The following CCAR1 variants were observed in gnomAD, a reference collection of about 807,000 sequenced individuals.
The protein encoded by CCAR1 is cell division cycle and apoptosis regulator 1, also known as cell division cycle and apoptosis regulator protein 1.
In CCAR1, 78 loss-of-function variants were observed where a neutral mutation model predicts 163.8. The observed-to-expected ratio is 0.48, with a 90% CI of 0.40 to 0.57. The LOEUF is 0.57. CCAR1 is among the 20% of genes least tolerant of loss of function. CCAR1 has a pLI of 0.00. For missense variants in CCAR1, 1,019 were observed against 1,365.2 expected (o/e 0.75, Z 4.00); for synonymous variants, 443 against 460.7 (o/e 0.96, Z 0.49).
chr10:68,762,102 G>A (rs2056479082), intron 16 of CCAR1, among the ~76,000 whole-genome samples: 1 of 151,726 alleles, frequency 6.6e-6, no homozygotes, highest in Admixed American at 6.6e-5. Context: ...GGCCGAGGTG[G>A]GCGGATCACG....
chr10:68,775,307 AG>A (rs2056650368), intron 19 of CCAR1, among the ~76,000 whole-genome samples: 1 of 152,176 alleles, frequency 6.6e-6, no homozygotes, highest in Non-Finnish European at 1.5e-5. Context: ...GTAACTCATT[AG>A]CAGTGACATA....
At chr10:68,744,082 A>G (rs550960074) in intron 6 of CCAR1, among the ~76,000 whole-genome samples, 2 of 152,156 alleles carry the variant, frequency 1.3e-5, no homozygotes, top group Non-Finnish European at 2.9e-5. Flanking sequence ...ACAGGGTTTC[A>G]CCATGTTGGC....
intron 10 of CCAR1, among the ~76,000 whole-genome samples, chr10:68,750,719 G>A (rs1017401434): frequency 6.6e-6 from 1 of 152,110 alleles, no homozygotes; most frequent in Admixed American, 6.6e-5. Context: ...CAAATTGACA[G>A]TAAAATAAGA....
rs747509008 is a variant in CCAR1, at chr10:68,755,531, A to G, written c.1620A>G (p.Thr540=). The G allele has an allele frequency of 1.7e-5, 28 of 1,612,248 alleles. No individual in the cohort carries two copies. The highest frequency in any genetic ancestry group is 2.4e-5 in the Non-Finnish European group (28 of 1,178,892). ...CAGGCATTGATCTAAGTGTGTGCAC[A>G]CAATGGTAAGTACTAATTCATTTCT... ...ALTGIDLSVC[T]QWYRFAEIRY... The change falls in exon 13 of 25, where the codon ACA becomes ACG. Residue 540 remains threonine, a synonymous_variant. Transcript: ENST00000265872.
intron 10 of CCAR1, among the ~76,000 whole-genome samples, chr10:68,752,532 G>A (rs1167088446): frequency 1.3e-5 from 2 of 152,030 alleles, no homozygotes; most frequent in African/African-American, 4.8e-5. Flanking sequence ...TCAGATACTT[G>A]TTTCATGTTT....
At chr10:68,754,403 A>G (rs962828869) in intron 11 of CCAR1, among the ~76,000 whole-genome samples, 9 of 152,232 alleles carry the variant, frequency 5.9e-5, no homozygotes, top group East Asian at 3.8e-4. Context: ...CTAAATGTCA[A>G]TCTTAAGGGA....
In CCAR1 at chr10:68,761,187, A is replaced by AC; in HGVS notation, c.2101_2102insC (p.Lys701ThrfsTer25). On this transcript the variant is annotated frameshift_variant, in exon 16 of 25. Coordinates refer to ENST00000265872, the MANE Select transcript of CCAR1 (RefSeq NM_018237.4). LOFTEE classifies it high-confidence loss of function. ...TGATGATAGGAAATCTGAAGACGAT[A>AC]AAGAGGTATGTACTCAATCTATTAT... The AC allele has an allele frequency of 1.3e-6, 2 of 1,592,866 alleles. No homozygotes were observed.
intron 15 of CCAR1, among the ~76,000 whole-genome samples, chr10:68,757,797 G>C (rs552556417): frequency 1.3e-5 from 2 of 149,274 alleles, no homozygotes; most frequent in African/African-American, 4.9e-5. Context: ...TATAATATAT[G>C]AGGGTCTATA....
intron 19 of CCAR1, chr10:68,775,006 T>G (rs1269233467): frequency 2.7e-5 from 10 of 373,824 alleles, no homozygotes; most frequent in Admixed American, 8.5e-5. Context: ...GCCTCTACAT[T>G]TTCTTCTCTC....
intron 4 of CCAR1, 51 bp from the exon 5 acceptor site, chr10:68,740,578 C>T (rs1355242061): frequency 8.9e-6 from 13 of 1,452,892 alleles, no homozygotes; most frequent in Admixed American, 1.8e-5. Flanking sequence ...ATCTATGAAG[C>T]AACAATTCTG....
At chr10:68,775,263 C>T (rs1336925179) in intron 19 of CCAR1, among the ~76,000 whole-genome samples, 2 of 152,078 alleles carry the variant, frequency 1.3e-5, no homozygotes, top group Non-Finnish European at 2.9e-5. Flanking sequence ...TCTATTATTA[C>T]TATGTAATAT....
chr10:68,742,476 C>T lies in CCAR1; in HGVS notation c.425C>T (p.Thr142Ile). Residue 142 changes from threonine (T) to isoleucine (I), a missense_variant, in exon 6 of 25, where the codon ACC becomes ATC. Thr to Ile is a moderately conservative substitution (Grantham distance 89, BLOSUM62 -1). This residue lies in a region of CCAR1 where 644 missense variants were observed against 904.4 expected (regional missense o/e 0.71). Transcript: ENST00000265872. ...ACACCAAGGTCCAGTCAACAGCAAACCCAGCCTCAGAAGCAGCGTGTTTTC... is the reference window on the plus strand; with the variant it reads ...ACACCAAGGTCCAGTCAACAGCAAATCCAGCCTCAGAAGCAGCGTGTTTTC... ...YPTPRSSQQQ[T>I]QPQKQRVFTG... is the part of the protein sequence containing the mutation. 1.2e-6 allele frequency: 2 copies of T among 1,614,134 alleles called. No homozygotes were observed. Among genetic ancestry groups the T allele is most frequent in the Non-Finnish European group, 1.7e-6 (2 of 1,179,982 alleles).
At chr10:68,782,960 A>G (rs994785587) in intron 19 of CCAR1, among the ~76,000 whole-genome samples, 4 of 149,700 alleles carry the variant, frequency 2.7e-5, no homozygotes, top group South Asian at 2.1e-4. Flanking sequence ...TGCAACATCT[A>G]TTCTGCAGCC....
Position 68,747,562 on chromosome 10 carries a change from A to G in CCAR1, c.822A>G (p.Gln274=), listed in dbSNP as rs1189941909. 7 of 1,611,014 alleles carry G rather than the reference A, an allele frequency of 4.3e-6. No individual in the cohort carries two copies. The highest frequency in any genetic ancestry group is 1.1e-5 in the South Asian group (1 of 90,496). The change falls in exon 8 of 25, where the codon CAA becomes CAG. Residue 274 remains glutamine, a synonymous_variant. Transcript: ENST00000265872. The part of the protein sequence containing the change: ...QPQPLLQQPQ[Q]KAGLLQPPVR... Reference sequence around the variant, plus strand: ...AGCCCTTATTACAGCAGCCTCAGCAAAAAGGTATCTTTGCTTTTGTTTCAG... The same window carrying G: ...AGCCCTTATTACAGCAGCCTCAGCAGAAAGGTATCTTTGCTTTTGTTTCAG...
intron 2 of CCAR1, among the ~76,000 whole-genome samples, chr10:68,733,027 T>C (rs1347109001): frequency 1.3e-5 from 2 of 152,228 alleles, no homozygotes; most frequent in African/African-American, 4.8e-5. Flanking sequence ...TGTTAAGATA[T>C]TCCCCACGTC....
At chr10:68,774,825 C>G (rs2056644001) in intron 19 of CCAR1, 1 of 322,406 alleles carries the variant, frequency 3.1e-6, no homozygotes, top group Admixed American at 4.8e-5. Context: ...CATCAACGAT[C>G]AAATACCTCA....
At chr10:68,721,773 G>C in intron 1 of CCAR1, 1 of 300,554 alleles carries the variant, frequency 3.3e-6, no homozygotes. Context: ...GGAGGAAGAT[G>C]GACGGCCGAG....
intron 3 of CCAR1, among the ~76,000 whole-genome samples, chr10:68,737,439 G>A (rs1267963751): frequency 1.3e-5 from 2 of 149,586 alleles, no homozygotes; most frequent in East Asian, 3.9e-4. Context: ...GGAGGTTGAG[G>A]CTGCAGTGAA....
intron 1 of CCAR1, 79 bp from the exon 2 acceptor site, chr10:68,722,376 C>T: frequency 3.8e-6 from 3 of 790,386 alleles, no homozygotes; most frequent in South Asian, 1.4e-5. Flanking sequence ...ACACATTAAA[C>T]ATTTCTTTCT....
Sources: allele counts gnomAD v4.1 joint callset (sites outside exome capture counted in the v4.1 genomes callset), GRCh38; gene constraint gnomAD v4.1.1; regional missense constraint gnomAD v4.1.1; transcripts MANE v1.5; gene names NCBI Gene and HGNC (gene_info 2026-07-23, HGNC 2026-07-21).